The following ZBTB20 variants were observed in gnomAD, a reference collection of about 807,000 sequenced individuals.
ZBTB20 encodes the protein zinc finger and BTB domain-containing protein 20.
Under a neutral mutation model 56.9 loss-of-function variants are expected in ZBTB20, and 9 were observed. The observed-to-expected ratio is 0.16, with a 90% CI of 0.10 to 0.28. ZBTB20 has a LOEUF of 0.28. Ranked by LOEUF, ZBTB20 falls within the 10% of genes least tolerant of loss-of-function variation. ZBTB20 has a pLI of 1.00. For synonymous variants in ZBTB20, 417 were observed against 420.7 expected, an observed-to-expected ratio of 0.99 and a Z score of 0.11; for missense variants, 655 against 1,003.0, an observed-to-expected ratio of 0.65 and a Z score of 4.69.
At chr3:114,893,710 T>C (rs533191735) in intron 4 of ZBTB20, among the ~76,000 whole-genome samples, 2 of 124,914 alleles carry the variant, frequency 1.6e-5, no homozygotes, top group East Asian at 2.1e-4. Context: ...ACCTGGTAAA[T>C]AGTGAAAAAA....
At chr3:115,021,121 C>A (rs1365795828) in intron 2 of ZBTB20, among the ~76,000 whole-genome samples, 1 of 150,876 alleles carries the variant, frequency 6.6e-6, no homozygotes, top group Non-Finnish European at 1.5e-5. Context: ...TTATGTATTA[C>A]TTGAGTCTTT....
At chr3:114,989,969 C>T (rs1398506967) in intron 2 of ZBTB20, among the ~76,000 whole-genome samples, 1 of 152,154 alleles carries the variant, frequency 6.6e-6, no homozygotes, top group Non-Finnish European at 1.5e-5. Flanking sequence ...TGAGACTTTG[C>T]TGAAGTTGCT....
At chr3:114,449,439 G>A (rs1287735781) in intron 7 of ZBTB20, among the ~76,000 whole-genome samples, 1 of 152,082 alleles carries the variant, frequency 6.6e-6, no homozygotes, top group East Asian at 1.9e-4. Flanking sequence ...GAGGGTCATC[G>A]CAGACTTGAG....
intron 6 of ZBTB20, among the ~76,000 whole-genome samples, chr3:114,544,465 C>CTTTCTT (rs1559938287): frequency 5.1e-5 from 4 of 78,376 alleles, no homozygotes; most frequent in African/African-American, 2.1e-4. Flanking sequence ...TTCTTTCTTT[C>CTTTCTT]TTTCTTTCTT....
At chr3:114,730,746 G>C (rs2065675222) in intron 5 of ZBTB20, among the ~76,000 whole-genome samples, 1 of 152,162 alleles carries the variant, frequency 6.6e-6, no homozygotes, top group African/African-American at 2.4e-5. Flanking sequence ...ACCAATTTCT[G>C]TTTGCTAGTC....
Position 114,752,764 on chromosome 3 carries a change from C to G in ZBTB20, c.-343+48337G>C, listed in dbSNP as rs1242898023. ...TGAAGGACAGTACTCCTTACTCTGT[C>G]TGCCTCAGAACCTTATGAAGGCCAC... On this transcript the variant is annotated intron_variant, in intron 5 of 11. Transcript: ENST00000675478. Among the ~76,000 whole-genome samples, 9 of 152,270 alleles carry G rather than the reference C, an allele frequency of 5.9e-5. No homozygotes were observed. In the East Asian group the frequency reaches 1.7e-3, roughly 29 times the overall value.
rs1163962344 is a variant in ZBTB20, at chr3:114,418,499, A to C, written c.-254-29394T>G. ...ATAAACATTTGCTTTCCAGAATGAAACTAGCCTTATCATAAGAAAAAATGG... is the reference window on the plus strand; with the variant it reads ...ATAAACATTTGCTTTCCAGAATGAACCTAGCCTTATCATAAGAAAAAATGG... On this transcript the variant is annotated intron_variant, in intron 7 of 11. Transcript: ENST00000675478. 3.9e-5 allele frequency among the ~76,000 whole-genome samples: 6 copies of C among 152,150 alleles called. No individual in the cohort carries two copies. The East Asian group carries it at 9.7e-4, about 25-fold the overall frequency.
intron 3 of ZBTB20, among the ~76,000 whole-genome samples, chr3:114,933,333 A>G (rs2076423706): frequency 6.6e-6 from 1 of 152,262 alleles, no homozygotes; most frequent in South Asian, 2.1e-4. Flanking sequence ...AAATGAGTTT[A>G]GTCCTTCTGG....
At chr3:114,565,500 T>C (rs1276546414) in intron 6 of ZBTB20, among the ~76,000 whole-genome samples, 1 of 152,194 alleles carries the variant, frequency 6.6e-6, no homozygotes, top group Non-Finnish European at 1.5e-5. Context: ...GGCAACTTTC[T>C]TCATTAGCTT....
intron 4 of ZBTB20, among the ~76,000 whole-genome samples, chr3:114,815,823 C>A (rs893021364): frequency 6.6e-6 from 1 of 152,068 alleles, no homozygotes; most frequent in African/African-American, 2.4e-5. Context: ...TCTAGATGAA[C>A]AAAATGAAAT....
intron 4 of ZBTB20, among the ~76,000 whole-genome samples, chr3:114,810,191 G>C (rs1250697204): frequency 6.6e-6 from 1 of 152,112 alleles, no homozygotes; most frequent in African/African-American, 2.4e-5. Flanking sequence ...TGTGTCCAAA[G>C]CCTTAGGTCT....
chr3:114,817,424 A>G (rs897187448), intron 4 of ZBTB20, among the ~76,000 whole-genome samples: 7 of 152,160 alleles, frequency 4.6e-5, no homozygotes, highest in Admixed American at 3.3e-4. Flanking sequence ...AAGCTGAGGC[A>G]GGAGAATCAC....
intron 6 of ZBTB20, among the ~76,000 whole-genome samples, chr3:114,544,742 C>T (rs1260948552): frequency 6.6e-6 from 1 of 151,986 alleles, no homozygotes; most frequent in Non-Finnish European, 1.5e-5. Flanking sequence ...TGAGCTCAAG[C>T]AATCCACATG....
intron 7 of ZBTB20, among the ~76,000 whole-genome samples, chr3:114,432,201 C>A (rs1344107659): frequency 6.6e-6 from 1 of 150,468 alleles, no homozygotes; most frequent in African/African-American, 2.4e-5. Flanking sequence ...CAGATATAAT[C>A]CTGCTTTGAT....
At chr3:114,948,170 A>G (rs1272429440) in intron 3 of ZBTB20, among the ~76,000 whole-genome samples, 1 of 145,582 alleles carries the variant, frequency 6.9e-6, no homozygotes, top group Non-Finnish European at 1.5e-5. Flanking sequence ...AATTAATTAA[A>G]TAACAAAAAT....
intron 4 of ZBTB20, among the ~76,000 whole-genome samples, chr3:114,818,227 A>G (rs1253137997): frequency 6.6e-6 from 1 of 152,188 alleles, no homozygotes; most frequent in African/African-American, 2.4e-5. Flanking sequence ...ATAAAAACTC[A>G]TAATTTCAAT....
intron 1 of ZBTB20, among the ~76,000 whole-genome samples, chr3:115,143,870 T>C (rs183182241): frequency 9.2e-5 from 14 of 152,328 alleles, no homozygotes; most frequent in African/African-American, 3.4e-4. Context: ...CCTTCCTCCT[T>C]CTCAAACTTC....
At chr3:114,494,170 CTTATTG>C (rs2043034830) in intron 7 of ZBTB20, among the ~76,000 whole-genome samples, 2 of 152,146 alleles carry the variant, frequency 1.3e-5, no homozygotes, top group South Asian at 4.1e-4. Flanking sequence ...ATAGGTATTT[CTTATTG>C]TTATTATTAG....
intron 3 of ZBTB20, among the ~76,000 whole-genome samples, chr3:114,965,117 T>C (rs1490208370): frequency 1.3e-5 from 2 of 152,180 alleles, no homozygotes; most frequent in Non-Finnish European, 2.9e-5. Context: ...TTAAATGTAC[T>C]TTGTGATATA....
Sources: gnomAD v4.1 joint callset for allele counts (sites outside exome capture counted in the v4.1 genomes callset) on GRCh38, gnomAD v4.1.1 for gene constraint, MANE v1.5 for transcripts, NCBI Gene and HGNC (gene_info 2026-07-23, HGNC 2026-07-21) for gene names.